The following PRKAR2B variants were observed in gnomAD, a reference collection of about 807,000 sequenced individuals.
The protein encoded by PRKAR2B is protein kinase cAMP-dependent type II regulatory subunit beta.
Under a neutral mutation model 49.9 loss-of-function variants are expected in PRKAR2B, and 14 were observed. The ratio of observed to expected loss-of-function variants is 0.28; its 90% CI spans 0.19 to 0.44. The LOEUF (loss-of-function observed/expected upper bound fraction) is 0.44. Among genes scored for constraint, PRKAR2B ranks in the 20% least tolerant of loss-of-function variants. PRKAR2B has a pLI of 1.00. For missense variants in PRKAR2B, 393 were observed against 537.9 expected (o/e 0.73, Z 2.67); for synonymous variants, 196 against 197.7 (o/e 0.99, Z 0.07).
At chr7:107,063,955 T>C (rs1017500789) in intron 1 of PRKAR2B, among the ~76,000 whole-genome samples, 2 of 152,224 alleles carry the variant, frequency 1.3e-5, no homozygotes, top group African/African-American at 4.8e-5. Context: ...TTTGCATGAA[T>C]CTGACCGTAC....
chr7:107,126,083 G>GT (rs1470290010), intron 3 of PRKAR2B, among the ~76,000 whole-genome samples: 1 of 72,698 alleles, frequency 1.4e-5, no homozygotes, highest in African/African-American at 5.4e-5. Context: ...GCAAGACTGT[G>GT]TCTTAAAAAA....
In PRKAR2B at chr7:107,157,330, G is replaced by T. The variant is rs1011089307; in HGVS notation, c.1123+6G>T. On this transcript the variant is annotated splice_donor_region_variant and intron_variant, in intron 10 of 10. Transcript: ENST00000265717. ...TGGGACTGTCAAATGTTTAGGTAGG[G>T]ATTGCAACAGTGGGCGTGCTTCTGC... 2.5e-6 allele frequency: 4 copies of T among 1,607,578 alleles called. No homozygotes were observed. The highest frequency in any genetic ancestry group is 3.4e-6 in the Non-Finnish European group (4 of 1,177,070).
At chr7:107,101,800 C>G (rs1794971367) in intron 2 of PRKAR2B, among the ~76,000 whole-genome samples, 1 of 150,368 alleles carries the variant, frequency 6.7e-6, no homozygotes, top group African/African-American at 2.4e-5. Context: ...TGTCCTAACT[C>G]AAAATCAGTA....
chr7:107,094,068 A>G (rs756032282), intron 2 of PRKAR2B, among the ~76,000 whole-genome samples: 1 of 152,168 alleles, frequency 6.6e-6, no homozygotes, highest in Admixed American at 6.5e-5. Context: ...CTGGTTCTAG[A>G]TCCTTGAGGA....
intron 4 of PRKAR2B, among the ~76,000 whole-genome samples, chr7:107,132,805 G>A (rs1562866846): frequency 1.3e-5 from 2 of 152,142 alleles, no homozygotes; most frequent in African/African-American, 4.8e-5. Context: ...TCATTATTTA[G>A]CTTGAAAATC....
At chr7:107,108,213 G>A (rs1795113082) in intron 2 of PRKAR2B, among the ~76,000 whole-genome samples, 1 of 152,152 alleles carries the variant, frequency 6.6e-6, no homozygotes, top group South Asian at 2.1e-4. Flanking sequence ...ACTGGACAAC[G>A]TGACTCTGGC....
intron 4 of PRKAR2B, among the ~76,000 whole-genome samples, chr7:107,139,992 GA>G (rs1353484087): frequency 1.3e-5 from 2 of 152,314 alleles, no homozygotes; most frequent in East Asian, 3.9e-4. Context: ...ATAAGTAGCA[GA>G]ACAAATAACC....
chr7:107,158,856 A>G (rs149768020), intron 10 of PRKAR2B, among the ~76,000 whole-genome samples: 4 of 152,158 alleles, frequency 2.6e-5, no homozygotes, highest in African/African-American at 7.2e-5. Context: ...ATAGAGTATG[A>G]TCATATTTTC....
At chr7:107,118,796 G>T (rs1229410544) in intron 2 of PRKAR2B, among the ~76,000 whole-genome samples, 1 of 152,206 alleles carries the variant, frequency 6.6e-6, no homozygotes, top group Non-Finnish European at 1.5e-5. Flanking sequence ...TCAATCAGAA[G>T]AAACAGTTTA....
intron 1 of PRKAR2B, among the ~76,000 whole-genome samples, chr7:107,065,766 T>A (rs1794125845): frequency 6.6e-6 from 1 of 152,228 alleles, no homozygotes; most frequent in South Asian, 2.1e-4. Context: ...ACTCAGCACC[T>A]TTATCTGCCA....
At chr7:107,157,097 C>T in intron 9 of PRKAR2B, 48 bp downstream of exon 9, 1 of 1,607,260 alleles carries the variant, frequency 6.2e-7, no homozygotes, top group Non-Finnish European at 8.5e-7. Context: ...GCAAGGAACA[C>T]AACAGATCTA....
At chr7:107,135,336 T>C (rs1448333681) in intron 4 of PRKAR2B, among the ~76,000 whole-genome samples, 3 of 152,182 alleles carry the variant, frequency 2.0e-5, no homozygotes, top group African/African-American at 7.2e-5. Context: ...CCTCAACAAA[T>C]TTGTAGTTCC....
intron 3 of PRKAR2B, among the ~76,000 whole-genome samples, chr7:107,125,328 G>A (rs894208080): frequency 6.6e-6 from 1 of 152,144 alleles, no homozygotes; most frequent in Non-Finnish European, 1.5e-5. Flanking sequence ...TCTGTCACTA[G>A]GATAAAATGA....
At chr7:107,114,926 T>G (rs1440249727) in intron 2 of PRKAR2B, among the ~76,000 whole-genome samples, 5 of 152,162 alleles carry the variant, frequency 3.3e-5, no homozygotes, top group Admixed American at 3.3e-4. Context: ...AGTTTTATTC[T>G]AAATACTGCT....
chr7:107,153,291 T>A (rs779802096), intron 8 of PRKAR2B, 40 bp downstream of exon 8: 1 of 1,441,248 alleles, frequency 6.9e-7, no homozygotes, highest in Non-Finnish European at 9.5e-7. Flanking sequence ...AGGGTTATAT[T>A]CCAAAAGGTT....
intron 2 of PRKAR2B, chr7:107,091,924 C>T (rs1293337749): frequency 6.6e-6 from 1 of 152,034 alleles, no homozygotes; most frequent in Non-Finnish European, 1.5e-5. Flanking sequence ...AGTATTTAAT[C>T]CTAACTCATG....
At chr7:107,103,451 A>G (rs1173272194) in intron 2 of PRKAR2B, among the ~76,000 whole-genome samples, 3 of 152,214 alleles carry the variant, frequency 2.0e-5, no homozygotes, top group African/African-American at 7.2e-5. Flanking sequence ...AAGCACACAC[A>G]TACACACAAA....
intron 4 of PRKAR2B, among the ~76,000 whole-genome samples, chr7:107,139,606 C>G (rs1214785993): frequency 6.6e-6 from 1 of 152,178 alleles, no homozygotes; most frequent in Non-Finnish European, 1.5e-5. Flanking sequence ...CATGTTGGCC[C>G]CTCCACACTG....
intron 1 of PRKAR2B, among the ~76,000 whole-genome samples, chr7:107,045,727 G>A (rs2116740636): frequency 6.6e-6 from 1 of 152,214 alleles, no homozygotes; most frequent in South Asian, 2.1e-4. Flanking sequence ...GGACTCACTG[G>A]GGCAGAACAA....
Sources: allele counts gnomAD v4.1 joint callset (sites outside exome capture counted in the v4.1 genomes callset), GRCh38; gene constraint gnomAD v4.1.1; transcripts MANE v1.5; gene names NCBI Gene and HGNC (gene_info 2026-07-23, HGNC 2026-07-21).